The following COBL variants were observed in gnomAD, a reference collection of about 807,000 sequenced individuals.
COBL encodes the protein cordon-bleu WH2 repeat protein.
In COBL, 51 loss-of-function variants were observed where a neutral mutation model predicts 98.8. The ratio of observed to expected loss-of-function variants is 0.52; its 90% CI spans 0.41 to 0.65. COBL has a LOEUF of 0.65. Ranked by LOEUF, COBL falls within the 30% of genes least tolerant of loss-of-function variation. COBL has a pLI of 0.00. For synonymous variants in COBL, 634 were observed against 651.7 expected (o/e 0.97, Z 0.41); for missense variants, 1,617 against 1,617.5 (o/e 1.00, Z 0.01).
chr7:51,081,093 A>G (rs6960942), intron 7 of COBL, among the ~76,000 whole-genome samples: 142,694 of 152,084 alleles, frequency 0.94, 67,090 homozygotes, highest in Non-Finnish European at 0.96. Context: ...AGCGCGGGGC[A>G]GGAGCGGGGC....
rs1441220998 is a variant in COBL, at chr7:51,140,674, A to T, written c.784-4343T>A. Among the ~76,000 whole-genome samples, 3 of 152,240 alleles carry T rather than the reference A, an allele frequency of 2.0e-5. No individual in the cohort carries two copies. In the East Asian group the frequency reaches 5.8e-4, roughly 29 times the overall value. On this transcript the variant is annotated intron_variant, in intron 5 of 12. Transcript: ENST00000265136. ...AAACACTACTCCACTGACAGGGACAAGGAGCTATGCAGATCTAGCACCAGG... is the reference window on the plus strand; with the variant it reads ...AAACACTACTCCACTGACAGGGACATGGAGCTATGCAGATCTAGCACCAGG...
chr7:51,120,474 A>G lies in COBL; in HGVS notation c.957+15684T>C, dbSNP rs556704441. ...GTTAAATAATTTTTTAAATTTTATC[A>G]TTAATTATGGTAAATACACATACTA... On this transcript the variant is annotated intron_variant, in intron 6 of 12. Transcript: ENST00000265136. Among the ~76,000 whole-genome samples the G allele has an allele frequency of 1.3e-3, 191 of 152,354 alleles. 1 individual carries two copies. The highest frequency in any genetic ancestry group is 4.5e-3 in the African/African-American group (186 of 41,592).
chr7:51,126,591 A>G (rs1798226269), intron 6 of COBL, among the ~76,000 whole-genome samples: 1 of 152,130 alleles, frequency 6.6e-6, no homozygotes, highest in Non-Finnish European at 1.5e-5. Flanking sequence ...ACTGAGGTAC[A>G]TGGAGGAGCC....
intron 1 of COBL, among the ~76,000 whole-genome samples, chr7:51,235,639 C>T (rs1467668557): frequency 6.6e-6 from 1 of 152,198 alleles, no homozygotes; most frequent in African/African-American, 2.4e-5. Context: ...TTCCCTTTGC[C>T]CACCACCCAC....
chr7:51,299,544 T>G (rs1415310013), intron 1 of COBL, among the ~76,000 whole-genome samples: 2 of 152,112 alleles, frequency 1.3e-5, no homozygotes, highest in Non-Finnish European at 2.9e-5. Context: ...TCAAACCCAG[T>G]TGGCGCTCTC....
intron 7 of COBL, chr7:51,065,109 C>G (rs1190935910): frequency 1.5e-6 from 1 of 687,926 alleles, no homozygotes; most frequent in Non-Finnish European, 2.7e-6. Flanking sequence ...TTCTAACAAG[C>G]ACACAGAGGA....
intron 1 of COBL, among the ~76,000 whole-genome samples, chr7:51,262,385 G>A (rs1011122850): frequency 3.3e-5 from 5 of 152,322 alleles, no homozygotes; most frequent in East Asian, 1.9e-4. Context: ...GGAAGTTTCC[G>A]GACGAAACCG....
chr7:51,124,504 G>T (rs1419003621), intron 6 of COBL, among the ~76,000 whole-genome samples: 1 of 152,160 alleles, frequency 6.6e-6, no homozygotes, highest in Non-Finnish European at 1.5e-5. Flanking sequence ...GAATGAGATG[G>T]CCTTTCCAAC....
chr7:51,300,637 G>A (rs367665551), intron 1 of COBL, among the ~76,000 whole-genome samples: 7 of 152,180 alleles, frequency 4.6e-5, no homozygotes, highest in South Asian at 2.1e-4. Flanking sequence ...ACGCAGGAAC[G>A]CGGTCTGGGG....
rs141631300 is a variant in COBL at position 51,084,095 on chromosome 7, G to A, written c.1096+1071C>T. Among the ~76,000 whole-genome samples the A allele has an allele frequency of 1.2e-3, 183 of 152,268 alleles. 1 individual carries two copies. Among genetic ancestry groups the A allele is most frequent in the African/African-American group, 4.2e-3 (174 of 41,562 alleles). On this transcript the variant is annotated intron_variant, in intron 7 of 12. Coordinates refer to ENST00000265136, the MANE Select transcript of COBL (RefSeq NM_015198.5). The stretch of plus-strand genomic sequence containing the variant: ...TTTGGGAAAGAGGATGAGCTGACAT[G>A]GAATACAGGTTATTGCTTCTTAAGG...
chr7:51,133,663 G>A (rs553560060), intron 6 of COBL, among the ~76,000 whole-genome samples: 3 of 152,332 alleles, frequency 2.0e-5, no homozygotes, highest in South Asian at 2.1e-4. Flanking sequence ...CTGGTCTGAA[G>A]TTTCCACATA....
intron 1 of COBL, chr7:51,316,319 G>A (rs568412844): frequency 1.4e-5 from 4 of 288,906 alleles, no homozygotes; most frequent in Non-Finnish European, 2.6e-5. Context: ...CCATAAGGAC[G>A]CCTGCATACA....
chr7:51,058,925 C>T (rs1346171107), intron 7 of COBL, among the ~76,000 whole-genome samples: 1 of 152,238 alleles, frequency 6.6e-6, no homozygotes, highest in Non-Finnish European at 1.5e-5. Flanking sequence ...CAGATTACAC[C>T]TTCTCGGCAG....
chr7:51,118,987 C>T (rs1030797436), intron 6 of COBL, among the ~76,000 whole-genome samples: 34 of 152,194 alleles, frequency 2.2e-4, no homozygotes, highest in African/African-American at 8.2e-4. Flanking sequence ...AAATTAGTTT[C>T]CTCAGTCCCA....
At chr7:51,228,823 T>C (rs1039337727) in intron 1 of COBL, among the ~76,000 whole-genome samples, 1 of 152,122 alleles carries the variant, frequency 6.6e-6, no homozygotes, top group Non-Finnish European at 1.5e-5. Flanking sequence ...TACTCCATGC[T>C]CATGCTGAGC....
chr7:51,041,997 G>T (rs1223292930), intron 8 of COBL, among the ~76,000 whole-genome samples: 1 of 152,100 alleles, frequency 6.6e-6, no homozygotes, highest in Non-Finnish European at 1.5e-5. Context: ...CGTGCACATG[G>T]ACACTTGATG....
intron 6 of COBL, among the ~76,000 whole-genome samples, chr7:51,122,389 C>T (rs1016457734): frequency 6.6e-6 from 1 of 152,174 alleles, no homozygotes; most frequent in Non-Finnish European, 1.5e-5. Flanking sequence ...AACTCGGCTT[C>T]CTTTGTGCCT....
Position 51,027,914 on chromosome 7 carries a change from T to C in COBL, c.3182A>G (p.His1061Arg). The C allele has an allele frequency of 1.2e-6, 2 of 1,614,136 alleles. No homozygotes were observed. Among genetic ancestry groups the C allele is most frequent in the Non-Finnish European group, 1.7e-6 (2 of 1,179,984 alleles). Residue 1061 changes from histidine to arginine, a missense_variant, in exon 10 of 13, where the codon CAC becomes CGC. Transcript: ENST00000265136. ...HPPGGSGTES[H>R]ILLEREEKPS... Reference sequence around the variant, plus strand: ...CTTTTCCTCTCTTTCTAGGAGAATGTGGCTTTCTGTGCCAGACCCTCCTGG... The same window carrying C: ...CTTTTCCTCTCTTTCTAGGAGAATGCGGCTTTCTGTGCCAGACCCTCCTGG...
intron 1 of COBL, among the ~76,000 whole-genome samples, chr7:51,278,535 C>T (rs1047709748): frequency 6.6e-5 from 10 of 152,002 alleles, no homozygotes; most frequent in Non-Finnish European, 4.4e-5. Context: ...CGTGTGCCAC[C>T]ACGCCCAGCT....
Sources: allele counts gnomAD v4.1 joint callset (sites outside exome capture counted in the v4.1 genomes callset), GRCh38; gene constraint gnomAD v4.1.1; transcripts MANE v1.5; gene names NCBI Gene and HGNC (gene_info 2026-07-23, HGNC 2026-07-21).